IPCEF1: variants seen among roughly 807,000 people sequenced by gnomAD.
The protein encoded by IPCEF1 is interaction protein for cytohesin exchange factors 1.
Under a neutral mutation model 50.9 loss-of-function variants are expected in IPCEF1, and 31 were observed. The ratio of observed to expected loss-of-function variants is 0.61; its 90% CI spans 0.46 to 0.82. IPCEF1 has a LOEUF of 0.82. IPCEF1 is among the 40% of genes least tolerant of loss of function. The pLI is 0.00. For missense variants in IPCEF1, 458 were observed against 514.0 expected, an observed-to-expected ratio of 0.89 and a Z score of 1.05; for synonymous variants, 181 against 192.0, an observed-to-expected ratio of 0.94 and a Z score of 0.47.
chr6:154,167,075 G>A lies in IPCEF1; in HGVS notation c.1104+845C>T, dbSNP rs893085437. On this transcript the variant is annotated intron_variant, in intron 11 of 11. Coordinates refer to ENST00000367220, the MANE Select transcript of IPCEF1 (RefSeq NM_001130700.2). Reference sequence around the variant, plus strand: ...CCTTTGTAGCCTTGTCCTTTCAATTGCTGACATTTCTTCCTGGAAAATGAC... The same window carrying A: ...CCTTTGTAGCCTTGTCCTTTCAATTACTGACATTTCTTCCTGGAAAATGAC... Among the ~76,000 whole-genome samples, 3 of 152,102 alleles carry A rather than the reference G, an allele frequency of 2.0e-5. No individual in the cohort carries two copies. The East Asian group carries it at 5.8e-4, about 29-fold the overall frequency.
At chr6:154,305,811 T>C (rs6915221) in intron 1 of IPCEF1, among the ~76,000 whole-genome samples, 13 of 152,262 alleles carry the variant, frequency 8.5e-5, no homozygotes, top group Middle Eastern at 3.4e-3. Flanking sequence ...CTTTCTCCCA[T>C]GCTGGATGCT....
chr6:154,180,414 A>ATATATATATATATATATATTTTTTTT (rs1241250621), intron 10 of IPCEF1, among the ~76,000 whole-genome samples: 1 of 65,264 alleles, frequency 1.5e-5, no homozygotes, highest in African/African-American at 4.8e-5. Flanking sequence ...ATATATATAT[A>ATATATATATATATATATATTTTTTTT]TTTTTTTTTT....
At chr6:154,308,598 TTC>T (rs1237734572) in intron 1 of IPCEF1, among the ~76,000 whole-genome samples, 1 of 152,208 alleles carries the variant, frequency 6.6e-6, no homozygotes, top group African/African-American at 2.4e-5. Context: ...ACATCGTTCT[TTC>T]AGCAAAGCCT....
At chr6:154,212,285 T>C (rs956607908) in intron 9 of IPCEF1, among the ~76,000 whole-genome samples, 8 of 152,330 alleles carry the variant, frequency 5.3e-5, no homozygotes, top group Admixed American at 1.3e-4. Flanking sequence ...CTCTAGTGAA[T>C]ACACAAATCG....
chr6:154,181,458 T>A (rs755014788), intron 10 of IPCEF1, among the ~76,000 whole-genome samples: 1 of 152,222 alleles, frequency 6.6e-6, no homozygotes, highest in Non-Finnish European at 1.5e-5. Flanking sequence ...CAAAGCTCGT[T>A]TTCTTAAATA....
rs371421932 is a variant in IPCEF1 at position 154,168,120 on chromosome 6, GA to G, written c.911-8del. 0.022 allele frequency: 23,227 copies of G among 1,067,980 alleles called. No individual in the cohort carries two copies. Among genetic ancestry groups the G allele is most frequent in the South Asian group, 0.042 (2,158 of 51,304 alleles). 66.2% of individuals were successfully genotyped at this position (1,067,980 alleles called of 1,614,324 possible). ...TCAGACACTTTTGTCTCTTCTATTT[GA>G]AAAAAAAAAAGAAAGCAGTAACAAT... is the stretch of plus-strand genomic sequence containing the variant. On this transcript the variant is annotated splice_region_variant and splice_polypyrimidine_tract_variant and intron_variant, in intron 10 of 11. Transcript: ENST00000367220. This position sits in a 1 kb window ranked among gnomAD's most constrained non-coding sequence, Gnocchi z 4.1.
intron 1 of IPCEF1, among the ~76,000 whole-genome samples, chr6:154,325,300 G>A (rs1783492330): frequency 6.6e-6 from 1 of 152,036 alleles, no homozygotes; most frequent in South Asian, 2.1e-4. Context: ...CATATCCATA[G>A]ATACACATAG....
intron 3 of IPCEF1, among the ~76,000 whole-genome samples, chr6:154,260,215 C>A (rs1281504816): frequency 6.6e-6 from 1 of 152,178 alleles, no homozygotes; most frequent in Non-Finnish European, 1.5e-5. Context: ...AATAACTTAA[C>A]CACAGTAGCA....
chr6:154,197,154 C>G (rs1337323792), intron 10 of IPCEF1, among the ~76,000 whole-genome samples: 1 of 152,114 alleles, frequency 6.6e-6, no homozygotes, highest in African/African-American at 2.4e-5. Context: ...GATATAAAAA[C>G]ACCTTGAACA....
rs115645377 is a variant in IPCEF1, at chr6:154,252,628, T to C, written c.37-5140A>G. ...AGACGGAGGCTGCAGTATGCCGAGA[T>C]CATGCCATTGCACTCTAGCTGGGGT... On this transcript the variant is annotated intron_variant, in intron 3 of 11. Transcript: ENST00000367220. Among the ~76,000 whole-genome samples, 386 of 152,022 alleles carry C rather than the reference T, an allele frequency of 2.5e-3. 2 individuals are homozygous for C. Among genetic ancestry groups the C allele is most frequent in the African/African-American group, 9.0e-3 (375 of 41,450 alleles).
intron 2 of IPCEF1, among the ~76,000 whole-genome samples, chr6:154,282,620 G>C (rs11155957): frequency 0.21 from 31,600 of 152,080 alleles, 3,929 homozygotes; most frequent in Non-Finnish European, 0.28. Flanking sequence ...CCGGGAGGCA[G>C]AGCTTGCAGT....
In IPCEF1 at chr6:154,208,366, T is replaced by G. The variant is rs1366180358; in HGVS notation, c.537+4404A>C. 5.3e-5 allele frequency among the ~76,000 whole-genome samples: 8 copies of G among 152,194 alleles called. No homozygotes were observed. In the East Asian group the frequency reaches 1.5e-3, roughly 29 times the overall value. Reference sequence around the variant, plus strand: ...CTGACTCTCACACCACCTTTCAAGGTTTCGCTCAGATCTCAGCTCTCAGTC... The same window carrying G: ...CTGACTCTCACACCACCTTTCAAGGGTTCGCTCAGATCTCAGCTCTCAGTC... On this transcript the variant is annotated intron_variant, in intron 9 of 11. Transcript: ENST00000367220.
At position 154,258,600 on chromosome 6, in the gene IPCEF1, G is replaced by A. The variant is rs113409492; in HGVS notation, c.36+7312C>T. On this transcript the variant is annotated intron_variant, in intron 3 of 11. Coordinates refer to ENST00000367220, the MANE Select transcript of IPCEF1 (RefSeq NM_001130700.2). ...TCCCCTCTCCTACACATTTGCTCAC[G>A]CACCACCCATGTCCAGGTTGCTTCC... Among the ~76,000 whole-genome samples the A allele has an allele frequency of 7.2e-3, 1,097 of 152,120 alleles. 12 individuals are homozygous for A. The highest frequency in any genetic ancestry group is 0.025 in the African/African-American group (1,039 of 41,470).
chr6:154,223,011 G>C (rs891604008), intron 6 of IPCEF1, 159 bp downstream of exon 6: 2 of 633,818 alleles, frequency 3.2e-6, no homozygotes, highest in African/African-American at 3.7e-5. Flanking sequence ...GAGGTTAAAT[G>C]CTTCTATTTC....
intron 3 of IPCEF1, among the ~76,000 whole-genome samples, chr6:154,260,542 A>G (rs1479015481): frequency 2.0e-5 from 3 of 149,816 alleles, no homozygotes; most frequent in Non-Finnish European, 4.4e-5. Context: ...GCGCCATCTC[A>G]GCTCACTGCA....
intron 1 of IPCEF1, among the ~76,000 whole-genome samples, chr6:154,290,436 C>T (rs1178214967): frequency 3.9e-5 from 6 of 152,150 alleles, no homozygotes; most frequent in Admixed American, 6.5e-5. Flanking sequence ...TCAAGTTGTC[C>T]GCTTGGCACT....
Position 154,262,442 on chromosome 6 carries a change from C to A in IPCEF1, c.36+3470G>T, listed in dbSNP as rs186598132. 2.6e-5 allele frequency among the ~76,000 whole-genome samples: 4 copies of A among 152,324 alleles called. No homozygotes were observed. In the East Asian group the frequency reaches 7.7e-4, roughly 29 times the overall value. On this transcript the variant is annotated intron_variant, in intron 3 of 11. Transcript: ENST00000367220. ...TTAACTTGTCCAAAGCCAATTAAAT[C>A]TCCAGTTCCTACCCTACCTGGTACA...
At chr6:154,263,105 A>G (rs1427635925) in intron 3 of IPCEF1, among the ~76,000 whole-genome samples, 3 of 152,020 alleles carry the variant, frequency 2.0e-5, no homozygotes, top group Non-Finnish European at 2.9e-5. Context: ...AATTTTTCCT[A>G]TTTAAAAATT....
At chr6:154,241,476 TACTC>T (rs1463685904) in intron 5 of IPCEF1, among the ~76,000 whole-genome samples, 3 of 152,180 alleles carry the variant, frequency 2.0e-5, no homozygotes, top group African/African-American at 2.4e-5. Flanking sequence ...CCACCCTTCT[TACTC>T]ACAAACTCTT....
Sources: allele counts gnomAD v4.1 joint callset (sites outside exome capture counted in the v4.1 genomes callset), GRCh38; gene constraint gnomAD v4.1.1; non-coding constraint Gnocchi (gnomAD v3.1); transcripts MANE v1.5; gene names NCBI Gene and HGNC (gene_info 2026-07-23, HGNC 2026-07-21).